The following ZNF730 variants were observed in gnomAD, a reference collection of about 807,000 sequenced individuals.
ZNF730 encodes putative zinc finger protein 730.
Under a neutral mutation model 12.6 loss-of-function variants are expected in ZNF730, and 12 were observed. That is an observed-to-expected ratio of 0.95 (90% confidence interval 0.61 to 1.54). The LOEUF is 1.54. ZNF730 is among the 40% of genes most tolerant of loss of function. The probability of loss-of-function intolerance (pLI) is 0.00; values close to 1 mark genes in which losing one functional copy is unlikely to be tolerated. For missense variants in ZNF730, 643 were observed against 583.5 expected (o/e 1.10, Z -1.05); for synonymous variants, 194 against 195.8 (o/e 0.99, Z 0.08).
chr19:23,112,506 G>A (rs543777078), upstream of ZNF730, among the ~76,000 whole-genome samples: 11 of 152,130 alleles, frequency 7.2e-5, no homozygotes, highest in Non-Finnish European at 1.3e-4. Context: ...GGCAGATCAT[G>A]AGGTCAGGAG....
In ZNF730 at chr19:23,120,155, C is replaced by T. The variant is rs866294962; in HGVS notation, c.3+2979C>T. Among the ~76,000 whole-genome samples the T allele has an allele frequency of 9.9e-5, 15 of 151,962 alleles. No homozygotes were observed. The East Asian group carries it at 1.2e-3, about 12-fold the overall frequency. ...GACTACAGGCGGGTGCCACCATGACCGGCTAATTTTTGTATTTGTAGTAGA... is the reference window on the plus strand; with the variant it reads ...GACTACAGGCGGGTGCCACCATGACTGGCTAATTTTTGTATTTGTAGTAGA... On this transcript the variant is annotated intron_variant, in intron 1 of 3. Transcript: ENST00000597761.
At chr19:23,079,449 G>A (rs1038450118) in intron 1 of ZNF730, among the ~76,000 whole-genome samples, 9 of 152,120 alleles carry the variant, frequency 5.9e-5, no homozygotes, top group African/African-American at 1.7e-4. Context: ...TAGCCACCGC[G>A]CCCGGCCTAT....
At chr19:23,129,160 G>A (rs916430942) in intron 1 of ZNF730, among the ~76,000 whole-genome samples, 1 of 152,180 alleles carries the variant, frequency 6.6e-6, no homozygotes, top group African/African-American at 2.4e-5. Context: ...ATCTGCTAGG[G>A]CAGTACAGAA....
rs1442358431 is a variant in ZNF730 at position 23,117,862 on chromosome 19, A to G, written c.3+686A>G. On this transcript the variant is annotated intron_variant, in intron 1 of 3. Coordinates refer to ENST00000597761, the MANE Select transcript of ZNF730 (RefSeq NM_001277403.2). ...TGTTTTCCTTAATGTAGTAATTTAC[A>G]AAAAAATACATTTGAGTTACATTTT... Among the ~76,000 whole-genome samples, 4 of 152,128 alleles carry G rather than the reference A, an allele frequency of 2.6e-5. 1 individual carries two copies. Among genetic ancestry groups the G allele is most frequent in the African/African-American group, 9.7e-5 (4 of 41,392 alleles).
chr19:23,127,391 C>T lies in ZNF730; in HGVS notation c.4-6689C>T, dbSNP rs1221364678. On this transcript the variant is annotated intron_variant, in intron 1 of 3. Transcript: ENST00000597761. ...CATCACAACTGTGTTCTTGGATATT[C>T]CCAAATATTCAGCTTCCAGTTCCTG... The T allele has an allele frequency of 3.5e-6, 3 of 846,730 alleles. No homozygotes were observed. The East Asian group carries it at 7.8e-5, about 22-fold the overall frequency. 52.5% of individuals were successfully genotyped at this position (846,730 alleles called of 1,614,324 possible).
chr19:23,099,345 T>C (rs1002216872), intron 1 of ZNF730, among the ~76,000 whole-genome samples: 1 of 151,730 alleles, frequency 6.6e-6, no homozygotes, highest in Non-Finnish European at 1.5e-5. Context: ...TTGTGACTCA[T>C]GCATACCATA....
intron 1 of ZNF730, among the ~76,000 whole-genome samples, chr19:23,077,786 AAAG>A (rs869119300): frequency 2.0e-5 from 3 of 152,264 alleles, no homozygotes; most frequent in African/African-American, 7.2e-5. Context: ...GTCTGTGTAG[AAAG>A]AAGTAGGCAT....
chr19:23,143,011 G>A (rs1260979044), intron 3 of ZNF730, among the ~76,000 whole-genome samples: 5 of 152,100 alleles, frequency 3.3e-5, no homozygotes, highest in South Asian at 2.1e-4. Context: ...TTGGGAGGCC[G>A]AGGCAGATGG....
rs374506344 is a variant in ZNF730 at position 23,080,446 on chromosome 19, G to T, written c.-94+5059G>T. 1.9e-4 allele frequency among the ~76,000 whole-genome samples: 29 copies of T among 151,782 alleles called. No individual in the cohort carries two copies. The East Asian group carries it at 3.3e-3, about 17-fold the overall frequency. ...GCTGGAGTGCAGTGGCGTGATCTCG[G>T]CTCACTGCAACCTTTGCCTCCCGAC... is the stretch of plus-strand genomic sequence containing the variant. On this transcript the variant is annotated intron_variant, in intron 1 of 2. Coordinates refer to the ZNF730 transcript ENST00000593635.
intron 1 of ZNF730, chr19:23,100,510 T>C (rs1970322062): frequency 6.6e-6 from 1 of 152,104 alleles, no homozygotes; most frequent in Non-Finnish European, 1.5e-5. Flanking sequence ...TCTTGAGAAT[T>C]GTCACCCTCA....
intron 1 of ZNF730, among the ~76,000 whole-genome samples, chr19:23,105,171 G>A (rs1236837633): frequency 6.7e-6 from 1 of 149,286 alleles, no homozygotes; most frequent in Non-Finnish European, 1.5e-5. Context: ...AGGCTGGAGT[G>A]CAGTGGCACA....
chr19:23,134,603 G>C lies in ZNF730; in HGVS notation c.130+397G>C, dbSNP rs1177369674. Among the ~76,000 whole-genome samples the C allele has an allele frequency of 9.3e-4, 137 of 147,094 alleles. 1 individual carries two copies. Among genetic ancestry groups the C allele is most frequent in the Admixed American group, 1.7e-3 (26 of 15,008 alleles). The stretch of plus-strand genomic sequence containing the variant: ...CCGCCCCGTCCTGGAGGGTGGGGGG[G>C]GGGGTCAGCCCCCCGCCCGGCCAGC... On this transcript the variant is annotated intron_variant, in intron 2 of 3. Coordinates refer to ENST00000597761, the MANE Select transcript of ZNF730 (RefSeq NM_001277403.2).
At chr19:23,099,065 A>G (rs557651084) in intron 1 of ZNF730, among the ~76,000 whole-genome samples, 19 of 152,060 alleles carry the variant, frequency 1.2e-4, no homozygotes, top group Non-Finnish European at 2.4e-4. Context: ...CACACTGTCA[A>G]TTTTTAGAAT....
At chr19:23,121,162 G>A (rs766700324) in intron 1 of ZNF730, among the ~76,000 whole-genome samples, 68 of 151,682 alleles carry the variant, frequency 4.5e-4, no homozygotes, top group Non-Finnish European at 5.4e-4. Flanking sequence ...GGTGAGAAGA[G>A]TGTATACTGT....
chr19:23,137,735 G>C (rs1044127946), intron 3 of ZNF730, among the ~76,000 whole-genome samples: 6 of 152,156 alleles, frequency 3.9e-5, no homozygotes, highest in African/African-American at 1.4e-4. Context: ...TCTTTTGTTG[G>C]GTGCCCAGGG....
In ZNF730 at chr19:23,139,471, G is replaced by A. The variant is rs1599600676; in HGVS notation, c.226+3428G>A. On this transcript the variant is annotated intron_variant, in intron 3 of 3. Coordinates refer to ENST00000597761, the MANE Select transcript of ZNF730 (RefSeq NM_001277403.2). ...GTGATTCAAAATACCTTTCCTCCAT[G>A]AGTACAGTTTCAGTCTAATATTGCA... 5.9e-5 allele frequency among the ~76,000 whole-genome samples: 9 copies of A among 152,118 alleles called. No individual in the cohort carries two copies. The South Asian group carries it at 1.9e-3, about 31-fold the overall frequency.
intron 1 of ZNF730, among the ~76,000 whole-genome samples, chr19:23,078,860 A>G (rs1164465801): frequency 6.6e-6 from 1 of 151,796 alleles, no homozygotes; most frequent in East Asian, 1.9e-4. Flanking sequence ...ACTGGAGTGC[A>G]GTGGCACAAT....
intron 3 of ZNF730, among the ~76,000 whole-genome samples, chr19:23,144,987 A>G (rs1970981739): frequency 6.6e-6 from 1 of 152,212 alleles, no homozygotes; most frequent in Non-Finnish European, 1.5e-5. Flanking sequence ...CTATGTTACA[A>G]TGGAGGGGAG....
intron 3 of ZNF730, among the ~76,000 whole-genome samples, chr19:23,143,348 A>G (rs556238529): frequency 5.3e-5 from 8 of 151,810 alleles, no homozygotes; most frequent in African/African-American, 1.9e-4. Context: ...TTTGTCATTG[A>G]TGTTGCTACC....
Sources: gnomAD v4.1 joint callset for allele counts (sites outside exome capture counted in the v4.1 genomes callset) on GRCh38, gnomAD v4.1.1 for gene constraint, MANE v1.5 for transcripts, NCBI Gene and HGNC (gene_info 2026-07-23, HGNC 2026-07-21) for gene names.